ACVR1: variants seen among roughly 807,000 people sequenced by gnomAD.
The protein encoded by ACVR1 is activin receptor type-1.
ACVR1 carries 38 observed loss-of-function variants against 57.1 expected under a neutral mutation model. The ratio of observed to expected loss-of-function variants is 0.67; its 90% CI spans 0.51 to 0.87. ACVR1 has a LOEUF of 0.87. ACVR1 is among the 40% of genes least tolerant of loss of function. ACVR1 has a pLI of 0.00. For synonymous variants in ACVR1, 212 were observed against 228.1 expected (o/e 0.93, Z 0.63); for missense variants, 463 against 638.2 (o/e 0.73, Z 2.96).
intron 3 of ACVR1, among the ~76,000 whole-genome samples, chr2:157,781,445 A>G (rs1197452286): frequency 6.6e-6 from 1 of 152,260 alleles, no homozygotes; most frequent in Non-Finnish European, 1.5e-5. Context: ...TGCCTAGACT[A>G]ACTTTTTCAC....
intron 1 of ACVR1, among the ~76,000 whole-genome samples, chr2:157,825,352 T>C (rs1409723004): frequency 6.6e-6 from 1 of 152,156 alleles, no homozygotes; most frequent in Non-Finnish European, 1.5e-5. Context: ...GGTGGTTCCA[T>C]GGAGTCAAAT....
chr2:157,742,834 C>T (rs188383168), intron 9 of ACVR1, among the ~76,000 whole-genome samples: 44 of 152,298 alleles, frequency 2.9e-4, no homozygotes, highest in Admixed American at 2.7e-3. Context: ...ATCTTCTTTC[C>T]GCTTGACAGC....
At chr2:157,764,474 C>A (rs955768302) in intron 8 of ACVR1, among the ~76,000 whole-genome samples, 5 of 151,108 alleles carry the variant, frequency 3.3e-5, no homozygotes, top group Admixed American at 2.0e-4. Context: ...TCCCAAAGTG[C>A]TGGGATTACA....
intron 8 of ACVR1, among the ~76,000 whole-genome samples, chr2:157,763,349 C>A (rs1006883395): frequency 1.3e-5 from 2 of 152,144 alleles, no homozygotes; most frequent in Admixed American, 6.5e-5. Flanking sequence ...GCAAACATCA[C>A]AAAGTTTTAA....
intron 2 of ACVR1, among the ~76,000 whole-genome samples, chr2:157,814,884 G>A (rs2105325025): frequency 6.6e-6 from 1 of 152,286 alleles, no homozygotes; most frequent in East Asian, 1.9e-4. Flanking sequence ...AGGAGATCGT[G>A]ACCATCCTGG....
intron 1 of ACVR1, among the ~76,000 whole-genome samples, chr2:157,865,974 C>T (rs770344518): frequency 3.9e-5 from 6 of 152,056 alleles, no homozygotes; most frequent in East Asian, 1.9e-4. Flanking sequence ...TGAATTAAAA[C>T]GGTTTCACTG....
intron 6 of ACVR1, among the ~76,000 whole-genome samples, chr2:157,772,632 A>AATAGTAG (rs1686114256): frequency 6.6e-6 from 1 of 152,326 alleles, no homozygotes; most frequent in East Asian, 1.9e-4. Flanking sequence ...GCTTGCATGG[A>AATAGTAG]ATAGTAGTGG....
intron 7 of ACVR1, 110 bp downstream of exon 7, chr2:157,770,258 T>G (rs781520594): frequency 1.3e-5 from 16 of 1,220,572 alleles, no homozygotes; most frequent in Non-Finnish European, 1.9e-5. Flanking sequence ...ATCCCTATAT[T>G]GCTTTTTAGG....
At chr2:157,856,130 T>C (rs531112347) in intron 1 of ACVR1, among the ~76,000 whole-genome samples, 2 of 152,214 alleles carry the variant, frequency 1.3e-5, no homozygotes, top group African/African-American at 2.4e-5. Context: ...CAGCCCTTAG[T>C]AGAGGTAGAA....
chr2:157,807,890 A>C (rs1687613698), intron 2 of ACVR1, among the ~76,000 whole-genome samples: 1 of 139,080 alleles, frequency 7.2e-6, no homozygotes, highest in Non-Finnish European at 1.5e-5. Flanking sequence ...AAGGAATGTC[A>C]AGGCCAGAGA....
chr2:157,740,651 C>A (rs1161375076), intron 9 of ACVR1, among the ~76,000 whole-genome samples: 1 of 152,142 alleles, frequency 6.6e-6, no homozygotes, highest in Non-Finnish European at 1.5e-5. Context: ...TGAATGTGAA[C>A]GGTAATACAA....
intron 1 of ACVR1, among the ~76,000 whole-genome samples, chr2:157,820,774 C>G (rs1195354966): frequency 1.3e-5 from 2 of 152,124 alleles, no homozygotes; most frequent in African/African-American, 4.8e-5. Flanking sequence ...ATATGACGAA[C>G]AACCTAGCAC....
intron 1 of ACVR1, among the ~76,000 whole-genome samples, chr2:157,862,414 T>C (rs980795743): frequency 9.8e-6 from 1 of 102,216 alleles, no homozygotes; most frequent in Admixed American, 1.3e-4. Flanking sequence ...AGGATAAACA[T>C]ATACACATAC....
chr2:157,802,706 G>C (rs891591333), intron 2 of ACVR1, among the ~76,000 whole-genome samples: 1 of 152,056 alleles, frequency 6.6e-6, no homozygotes, highest in Non-Finnish European at 1.5e-5. Flanking sequence ...AGTACTCTCT[G>C]CTCATTCTCA....
chr2:157,770,328 C>T, intron 7 of ACVR1, 40 bp downstream of exon 7: 1 of 1,605,202 alleles, frequency 6.2e-7, no homozygotes, highest in Non-Finnish European at 8.5e-7. Context: ...AATTGTTTCT[C>T]CCTAGATACA....
At chr2:157,846,984 G>C (rs1689144950) in intron 1 of ACVR1, among the ~76,000 whole-genome samples, 1 of 152,158 alleles carries the variant, frequency 6.6e-6, no homozygotes, top group African/African-American at 2.4e-5. Context: ...AAAGGAACAT[G>C]TGTGCATGGT....
At chr2:157,748,419 A>C (rs930484305) in intron 9 of ACVR1, among the ~76,000 whole-genome samples, 3 of 152,152 alleles carry the variant, frequency 2.0e-5, no homozygotes, top group African/African-American at 7.2e-5. Context: ...TCAGAATTAA[A>C]ATTTTCAGTT....
intron 9 of ACVR1, among the ~76,000 whole-genome samples, chr2:157,748,871 A>G (rs1685071472): frequency 6.6e-6 from 1 of 152,218 alleles, no homozygotes; most frequent in Admixed American, 6.5e-5. Context: ...CATGAAAATT[A>G]TGATTGCCCA....
At chr2:157,862,422 TACACACACACAC>T (rs68077740) in intron 1 of ACVR1, among the ~76,000 whole-genome samples, 162 of 143,744 alleles carry the variant, frequency 1.1e-3, no homozygotes, top group African/African-American at 4.0e-3. Context: ...CATATACACA[TACACACACACAC>T]ACACACACAC....
Sources: gnomAD v4.1 joint callset for allele counts (sites outside exome capture counted in the v4.1 genomes callset) on GRCh38, gnomAD v4.1.1 for gene constraint, MANE v1.5 for transcripts, NCBI Gene and HGNC (gene_info 2026-07-23, HGNC 2026-07-21) for gene names.